GALK2: variants seen among roughly 807,000 people sequenced by gnomAD.
GALK2 encodes the protein N-acetylgalactosamine kinase.
GALK2 carries 36 observed loss-of-function variants against 52.4 expected under a neutral mutation model. The ratio of observed to expected loss-of-function variants is 0.69; its 90% CI spans 0.53 to 0.91. GALK2 has a LOEUF of 0.91. Ranked by LOEUF, GALK2 falls within the 40% of genes least tolerant of loss-of-function variation. GALK2 has a pLI of 0.00. For missense variants in GALK2, 579 were observed against 559.1 expected (o/e 1.04, Z -0.36); for synonymous variants, 176 against 199.1 (o/e 0.88, Z 0.98).
At chr15:49,339,462 C>A (rs764827486) in intron 3 of GALK2, among the ~76,000 whole-genome samples, 2 of 152,204 alleles carry the variant, frequency 1.3e-5, no homozygotes, top group Non-Finnish European at 2.9e-5. Flanking sequence ...GGCTGCACAA[C>A]AGTAAAGATT....
At chr15:49,166,124 C>T (rs545800345), upstream of GALK2, among the ~76,000 whole-genome samples, 1 of 152,136 alleles carries the variant, frequency 6.6e-6, no homozygotes, top group East Asian at 1.9e-4. Flanking sequence ...TTTCAAGTGA[C>T]GCTGATGCTG....
chr15:49,326,932 TCA>T (rs1328586983), intron 9 of GALK2: 1 of 152,154 alleles, frequency 6.6e-6, no homozygotes, highest in African/African-American at 2.4e-5. Flanking sequence ...GTAAAATATC[TCA>T]TTTAGATTGA....
chr15:49,221,956 T>C (rs1436998580), intron 3 of GALK2, among the ~76,000 whole-genome samples: 1 of 152,152 alleles, frequency 6.6e-6, no homozygotes, highest in Non-Finnish European at 1.5e-5. Context: ...AGTAGTATTT[T>C]CATAGGGATT....
At chr15:49,230,258 T>C (rs1232587098) in intron 3 of GALK2, among the ~76,000 whole-genome samples, 2 of 152,160 alleles carry the variant, frequency 1.3e-5, no homozygotes, top group Non-Finnish European at 2.9e-5. Context: ...AATGCCATCA[T>C]GTGATTTCCA....
At chr15:49,271,798 G>A (rs999180920) in intron 5 of GALK2, among the ~76,000 whole-genome samples, 6 of 152,198 alleles carry the variant, frequency 3.9e-5, no homozygotes, top group Non-Finnish European at 5.9e-5. Flanking sequence ...ATCACTCTGG[G>A]TTGCGAAACA....
chr15:49,234,180 CCTT>C, intron 3 of GALK2, among the ~76,000 whole-genome samples: 1 of 152,254 alleles, frequency 6.6e-6, no homozygotes, highest in Non-Finnish European at 1.5e-5. Context: ...CATACATTGT[CCTT>C]CGGCTGATTT....
At chr15:49,167,864 T>A (rs185643249), upstream of GALK2, among the ~76,000 whole-genome samples, 25 of 152,336 alleles carry the variant, frequency 1.6e-4, no homozygotes, top group Admixed American at 7.8e-4. Context: ...GTTTTTGGTG[T>A]CCATTTGGGG....
At chr15:49,218,910 C>T (rs1053239790) in intron 3 of GALK2, among the ~76,000 whole-genome samples, 15 of 152,184 alleles carry the variant, frequency 9.9e-5, no homozygotes, top group African/African-American at 3.4e-4. Context: ...AACTCAACCT[C>T]TGCCTCCCAG....
At chr15:49,363,956 A>C (rs767596881) in intron 3 of GALK2, among the ~76,000 whole-genome samples, 1 of 152,122 alleles carries the variant, frequency 6.6e-6, no homozygotes, top group Non-Finnish European at 1.5e-5. Flanking sequence ...TGTGTCCAAG[A>C]GGTAAAGCCT....
intron 7 of GALK2, among the ~76,000 whole-genome samples, chr15:49,285,246 T>C (rs980182209): frequency 3.3e-5 from 5 of 152,190 alleles, no homozygotes; most frequent in Non-Finnish European, 2.9e-5. Flanking sequence ...AGTTAACCAG[T>C]CTTTCCCTCT....
intron 8 of GALK2, 87 bp from the exon 9 acceptor site, chr15:49,319,512 AGAAAT>A: frequency 9.9e-7 from 1 of 1,012,346 alleles, no homozygotes; most frequent in African/African-American, 1.6e-5. Flanking sequence ...TAATGAAAAC[AGAAAT>A]GAAAGTCTTT....
intron 5 of GALK2, among the ~76,000 whole-genome samples, chr15:49,242,219 T>C (rs932711691): frequency 6.6e-6 from 1 of 152,204 alleles, no homozygotes; most frequent in South Asian, 2.1e-4. Flanking sequence ...ACAAATGACA[T>C]GTTAGGTATA....
At chr15:49,366,572 G>C in intron 3 of GALK2, 1 of 1,597,802 alleles carries the variant, frequency 6.3e-7, no homozygotes, top group Middle Eastern at 1.7e-4. Context: ...GTAGTCCTTG[G>C]ATGTGCCATT....
chr15:49,354,467 G>T (rs2151328970), intron 3 of GALK2, among the ~76,000 whole-genome samples: 1 of 152,338 alleles, frequency 6.6e-6, no homozygotes, highest in South Asian at 2.1e-4. Context: ...CCCTTTCCGA[G>T]TCAAAGAAAG....
chr15:49,191,101 G>T (rs935105840), intron 1 of GALK2, among the ~76,000 whole-genome samples: 1 of 151,990 alleles, frequency 6.6e-6, no homozygotes, highest in African/African-American at 2.4e-5. Context: ...AACGGAGGTT[G>T]GTTTTATAGA....
intron 3 of GALK2, among the ~76,000 whole-genome samples, chr15:49,232,901 G>A (rs557275588): frequency 8.4e-4 from 128 of 152,266 alleles, no homozygotes; most frequent in African/African-American, 1.2e-3. Flanking sequence ...CAAAGCAACC[G>A]TTCAACAAGT....
intron 5 of GALK2, among the ~76,000 whole-genome samples, chr15:49,260,997 G>C (rs1357119045): frequency 2.0e-5 from 3 of 151,952 alleles, no homozygotes; most frequent in African/African-American, 7.2e-5. Context: ...AAGTCAGGTA[G>C]TGTGATGCCT....
At chr15:49,316,699 G>GA (rs2036450009) in intron 8 of GALK2, among the ~76,000 whole-genome samples, 1 of 152,158 alleles carries the variant, frequency 6.6e-6, no homozygotes, top group Non-Finnish European at 1.5e-5. Context: ...AAGTGCTTCA[G>GA]AAAAAGTAAT....
Position 49,225,174 on chromosome 15 carries a change from T to A in GALK2, c.266+7861T>A, listed in dbSNP as rs773857183. Reference sequence around the variant, plus strand: ...CTTTGAGGAAGCCGCCTCTGATCACTGGCACTGATCCTGTCTTTTTCTTTA... The same window carrying A: ...CTTTGAGGAAGCCGCCTCTGATCACAGGCACTGATCCTGTCTTTTTCTTTA... On this transcript the variant is annotated intron_variant, in intron 3 of 9. Coordinates refer to ENST00000560031, the MANE Select transcript of GALK2 (RefSeq NM_002044.4). 28 of 455,708 alleles carry A rather than the reference T, an allele frequency of 6.1e-5. 1 individual carries two copies. The East Asian group carries it at 1.9e-3, about 31-fold the overall frequency. The allele number at this position is 455,708 out of a possible 1,614,324, so 28.2% of individuals were successfully genotyped here.
Sources: allele counts gnomAD v4.1 joint callset (sites outside exome capture counted in the v4.1 genomes callset), GRCh38; gene constraint gnomAD v4.1.1; transcripts MANE v1.5; gene names NCBI Gene and HGNC (gene_info 2026-07-23, HGNC 2026-07-21).